Variants in WWP1 observed in about 807,000 individuals in gnomAD.
The protein encoded by WWP1 is NEDD4-like E3 ubiquitin-protein ligase WWP1.
Under a neutral mutation model 130.6 loss-of-function variants are expected in WWP1, and 49 were observed. That is an observed-to-expected ratio of 0.38 (90% confidence interval 0.30 to 0.48). WWP1 has a LOEUF of 0.48. Among genes scored for constraint, WWP1 ranks in the 20% least tolerant of loss-of-function variants. The probability of loss-of-function intolerance (pLI) is 0.99; values close to 1 mark genes in which losing one functional copy is unlikely to be tolerated. For synonymous variants in WWP1, 332 were observed against 367.8 expected (o/e 0.90, Z 1.11); for missense variants, 809 against 1,100.6 (o/e 0.74, Z 3.75).
intron 9 of WWP1, among the ~76,000 whole-genome samples, chr8:86,414,948 G>T (rs1808809121): frequency 7.9e-6 from 1 of 125,886 alleles, no homozygotes; most frequent in Admixed American, 1.1e-4. Context: ...ATATTTGACT[G>T]AAATAATGAT....
chr8:86,346,384 C>T (rs1433129987), intron 1 of WWP1, among the ~76,000 whole-genome samples: 1 of 152,096 alleles, frequency 6.6e-6, no homozygotes, highest in Non-Finnish European at 1.5e-5. Context: ...GATTGCGCCA[C>T]TACACTCCAG....
chr8:86,381,709 A>G, intron 5 of WWP1, 80 bp downstream of exon 5: 2 of 1,355,848 alleles, frequency 1.5e-6, no homozygotes, highest in East Asian at 5.5e-5. Flanking sequence ...CTAAAAGCAA[A>G]AACATAGTTT....
chr8:86,423,837 C>A (rs1431440299), intron 9 of WWP1, among the ~76,000 whole-genome samples: 1 of 129,230 alleles, frequency 7.7e-6, no homozygotes, highest in African/African-American at 2.9e-5. Context: ...CCGGACGGGG[C>A]GGCGGCTGGG....
chr8:86,459,633 ATAC>A (rs1811652162), intron 22 of WWP1, among the ~76,000 whole-genome samples: 3 of 152,240 alleles, frequency 2.0e-5, no homozygotes, highest in Admixed American at 6.5e-5. Flanking sequence ...TATAAAATAC[ATAC>A]ATAAATAGGA....
intron 1 of WWP1, among the ~76,000 whole-genome samples, chr8:86,363,969 A>C (rs1404323735): frequency 6.6e-6 from 1 of 152,084 alleles, no homozygotes; most frequent in Non-Finnish European, 1.5e-5. Context: ...TTGGGTATGT[A>C]ATTGTAACTT....
At chr8:86,437,458 AC>A (rs1248593728) in intron 16 of WWP1, among the ~76,000 whole-genome samples, 1 of 152,188 alleles carries the variant, frequency 6.6e-6, no homozygotes, top group Non-Finnish European at 1.5e-5. Context: ...AGAAAAATTT[AC>A]CTGTTGGAAG....
intron 9 of WWP1, 64 bp from the exon 10 acceptor site, chr8:86,425,159 G>T: frequency 1.5e-6 from 2 of 1,321,958 alleles, no homozygotes; most frequent in Non-Finnish European, 1.1e-6. Context: ...TTATAAGGAA[G>T]AGTCATTTTT....
intron 1 of WWP1, among the ~76,000 whole-genome samples, chr8:86,353,111 G>A (rs1373037980): frequency 6.6e-6 from 1 of 152,206 alleles, no homozygotes; most frequent in Non-Finnish European, 1.5e-5. Flanking sequence ...GGCATGATGT[G>A]TCTCTTATAG....
intron 1 of WWP1, among the ~76,000 whole-genome samples, chr8:86,368,570 A>G (rs1824105239): frequency 1.3e-5 from 2 of 152,280 alleles, no homozygotes; most frequent in Admixed American, 6.5e-5. Context: ...TGCAATTCTC[A>G]TCACTGAAAC....
chr8:86,381,043 TA>T (rs1389934959), intron 4 of WWP1, among the ~76,000 whole-genome samples, 179 bp downstream of exon 4: 10 of 151,684 alleles, frequency 6.6e-5, no homozygotes. Context: ...GGATGCATAA[TA>T]ATGCTTGCTT....
intron 1 of WWP1, among the ~76,000 whole-genome samples, chr8:86,363,867 C>T (rs1823812836): frequency 6.6e-6 from 1 of 151,604 alleles, no homozygotes; most frequent in African/African-American, 2.4e-5. Flanking sequence ...TATTCTGTGC[C>T]AGGAAGTATT....
chr8:86,415,154 C>T (rs1377014083), intron 9 of WWP1, among the ~76,000 whole-genome samples: 1 of 152,124 alleles, frequency 6.6e-6, no homozygotes, highest in Non-Finnish European at 1.5e-5. Context: ...AAGAACTTTG[C>T]ATGTGCTCTT....
chr8:86,446,198 T>C (rs576902840), intron 18 of WWP1, among the ~76,000 whole-genome samples: 1 of 149,676 alleles, frequency 6.7e-6, no homozygotes, highest in Non-Finnish European at 1.5e-5. Context: ...GCCGGGCTGG[T>C]CTCGAACTCC....
At position 86,380,750 on chromosome 8, in the gene WWP1, A is replaced by G. The variant is rs1824938229; in HGVS notation, c.95A>G (p.Lys32Arg). The G allele has an allele frequency of 1.2e-6, 2 of 1,609,476 alleles. No homozygotes were observed. Among genetic ancestry groups the G allele is most frequent in the Non-Finnish European group, 1.7e-6 (2 of 1,178,792 alleles). ...GTTTCTAGTGCCAAACTTAAAAGAA[A>G]AAAGAACTGGTTCGGAACAGCAATA... ...VTVSSAKLKR[K>R]KNWFGTAIYT... Residue 32 changes from lysine (K) to arginine (R), a missense_variant, in exon 4 of 25, where the codon AAA becomes AGA. Physicochemically the swap from Lys to Arg is conservative, Grantham distance 26. Coordinates refer to ENST00000517970, the MANE Select transcript of WWP1 (RefSeq NM_007013.4).
intron 5 of WWP1, among the ~76,000 whole-genome samples, chr8:86,397,142 C>T (rs1586351502): frequency 1.3e-5 from 2 of 152,122 alleles, no homozygotes; most frequent in East Asian, 1.9e-4. Flanking sequence ...GAGAACCTCT[C>T]CTCCCTGCCC....
intron 9 of WWP1, among the ~76,000 whole-genome samples, chr8:86,423,821 C>A (rs1389056885): frequency 3.5e-3 from 389 of 112,106 alleles, no homozygotes; most frequent in African/African-American, 0.013. Context: ...GCCCCCCCCC[C>A]ACCTCCCGGA....
rs761608913 is a variant in WWP1 at position 86,402,101 on chromosome 8, G to A, written c.622G>A (p.Val208Ile). 9.3e-6 allele frequency: 15 copies of A among 1,613,818 alleles called. No homozygotes were observed. The South Asian group carries it at 1.4e-4, about 15-fold the overall frequency. ...CCAAAACTCATGCTGCTCGTATGTA[G>A]TTAATGGAGACAACACACCTTCATC... Reference protein sequence around the residue: ...LVQNSCCSYVVNGDNTPSSPS... With the variant: ...LVQNSCCSYVINGDNTPSSPS... Residue 208 changes from valine (V) to isoleucine (I), a missense_variant, in exon 8 of 25, where the codon GTT becomes ATT. By Grantham distance (29) the Val-to-Ile change is conservative. Coordinates refer to ENST00000517970, the MANE Select transcript of WWP1 (RefSeq NM_007013.4).
At chr8:86,377,832 T>C (rs1485652221) in intron 3 of WWP1, among the ~76,000 whole-genome samples, 7 of 152,204 alleles carry the variant, frequency 4.6e-5, no homozygotes, top group Non-Finnish European at 5.9e-5. Context: ...GTTTATAATT[T>C]TTTTTTAGCT....
At chr8:86,466,394 C>T (rs957258891) in intron 24 of WWP1, among the ~76,000 whole-genome samples, 2 of 151,900 alleles carry the variant, frequency 1.3e-5, no homozygotes, top group Admixed American at 6.6e-5. Flanking sequence ...TTCACTGTAT[C>T]ACTAGCTTAT....
Sources: gnomAD v4.1 joint callset for allele counts (sites outside exome capture counted in the v4.1 genomes callset) on GRCh38, gnomAD v4.1.1 for gene constraint, MANE v1.5 for transcripts, NCBI Gene and HGNC (gene_info 2026-07-23, HGNC 2026-07-21) for gene names.